GALNT13: variants seen among roughly 807,000 people sequenced by gnomAD.
GALNT13 encodes polypeptide N-acetylgalactosaminyltransferase 13, also known as UDP-GalNAc:polypeptide N-acetylgalactosaminyltransferase 13.
A neutral mutation model predicts 64.2 loss-of-function variants in GALNT13; 28 were observed. That is an observed-to-expected ratio of 0.44 (90% confidence interval 0.32 to 0.60). The LOEUF (loss-of-function observed/expected upper bound fraction) is 0.60, where lower values mean the gene tolerates loss of function less well. GALNT13 is among the 20% of genes least tolerant of loss of function. The probability of loss-of-function intolerance (pLI) is 0.05; values close to 1 mark genes in which losing one functional copy is unlikely to be tolerated. For missense variants in GALNT13, 577 were observed against 669.8 expected (o/e 0.86, Z 1.53); for synonymous variants, 214 against 224.6 (o/e 0.95, Z 0.42).
the GALNT13 span, among the ~76,000 whole-genome samples, chr2:153,646,126 C>T: frequency 6.6e-6 from 1 of 151,978 alleles, no homozygotes. Flanking sequence ...CAACTTAACT[C>T]AGGAATTCTG....
the GALNT13 span, among the ~76,000 whole-genome samples, chr2:153,594,911 T>G: frequency 6.6e-6 from 1 of 152,084 alleles, no homozygotes; most frequent in Non-Finnish European, 1.5e-5. Flanking sequence ...AAAATAAAAC[T>G]ATTTGACTAC....
the GALNT13 span, among the ~76,000 whole-genome samples, chr2:153,530,594 G>A: frequency 6.6e-6 from 1 of 151,912 alleles, no homozygotes; most frequent in Non-Finnish European, 1.5e-5. Context: ...CAAAACTGGA[G>A]CAATCACATT....
chr2:153,700,520 G>A, the GALNT13 span, among the ~76,000 whole-genome samples: 2 of 151,920 alleles, frequency 1.3e-5, no homozygotes, highest in Admixed American at 1.3e-4. Context: ...AGAAATAAAG[G>A]GTATTCAAGT....
the GALNT13 span, among the ~76,000 whole-genome samples, chr2:153,352,887 C>A: frequency 6.6e-6 from 1 of 152,052 alleles, no homozygotes; most frequent in Non-Finnish European, 1.5e-5. Flanking sequence ...TGGAGAATGT[C>A]AATCTGCCAA....
chr2:153,549,751 G>T, the GALNT13 span, among the ~76,000 whole-genome samples: 1 of 152,162 alleles, frequency 6.6e-6, no homozygotes, highest in Non-Finnish European at 1.5e-5. Flanking sequence ...TAAGTTCTGT[G>T]GTTGTTGGTT....
At chr2:153,117,200 CTT>C in the GALNT13 span, among the ~76,000 whole-genome samples, 1 of 152,082 alleles carries the variant, frequency 6.6e-6, no homozygotes, top group African/African-American at 2.4e-5. Context: ...ACACAGGCCT[CTT>C]TGATCTACGA....
chr2:153,161,085 C>T, the GALNT13 span, among the ~76,000 whole-genome samples: 49 of 152,174 alleles, frequency 3.2e-4, no homozygotes, highest in African/African-American at 1.1e-3. Flanking sequence ...AGACTTATTC[C>T]AACAATTACT....
At chr2:153,088,537 T>C in the GALNT13 span, among the ~76,000 whole-genome samples, 1 of 152,170 alleles carries the variant, frequency 6.6e-6, no homozygotes, top group African/African-American at 2.4e-5. Flanking sequence ...CTTGATGACC[T>C]GGCTAGTGCT....
chr2:154,315,521 A>C (rs1225319512), intron 9 of GALNT13, among the ~76,000 whole-genome samples: 2 of 152,180 alleles, frequency 1.3e-5, no homozygotes, highest in Non-Finnish European at 2.9e-5. Flanking sequence ...TGATGCCTAA[A>C]GGCTGGTGCA....
At chr2:153,519,539 T>G in the GALNT13 span, among the ~76,000 whole-genome samples, 1 of 152,188 alleles carries the variant, frequency 6.6e-6, no homozygotes, top group Non-Finnish European at 1.5e-5. Flanking sequence ...TGCCCTTTCA[T>G]GGGCTTTTTG....
the GALNT13 span, among the ~76,000 whole-genome samples, chr2:153,676,160 A>C: frequency 5.9e-5 from 9 of 152,176 alleles, no homozygotes; most frequent in Admixed American, 5.2e-4. Flanking sequence ...AAGTAAACAC[A>C]ATCATAAATG....
At chr2:154,243,345 A>C (rs565426046) in intron 6 of GALNT13, among the ~76,000 whole-genome samples, 2 of 152,266 alleles carry the variant, frequency 1.3e-5, no homozygotes, top group Admixed American at 6.5e-5. Flanking sequence ...ACAACAATTC[A>C]GCTCTTTCCA....
At chr2:153,477,115 C>T in the GALNT13 span, among the ~76,000 whole-genome samples, 2 of 152,130 alleles carry the variant, frequency 1.3e-5, no homozygotes, top group African/African-American at 4.8e-5. Context: ...TAAGAGGAAA[C>T]AAAGGATGCT....
intron 8 of GALNT13, chr2:154,286,770 G>T (rs1019882389): frequency 3.1e-6 from 1 of 322,254 alleles, no homozygotes; most frequent in East Asian, 7.5e-5. Flanking sequence ...TCATGCCATG[G>T]GTACAGAAAC....
chr2:153,627,785 G>T, the GALNT13 span, among the ~76,000 whole-genome samples: 2 of 152,146 alleles, frequency 1.3e-5, no homozygotes, highest in South Asian at 4.1e-4. Context: ...CAGGTAGCGT[G>T]ATGCCTCCAG....
intron 3 of GALNT13, among the ~76,000 whole-genome samples, chr2:154,129,203 A>G (rs1682472146): frequency 6.6e-6 from 1 of 152,122 alleles, no homozygotes. Context: ...CGCCATCCCA[A>G]TTACCACACA....
chr2:153,378,781 C>T, the GALNT13 span, among the ~76,000 whole-genome samples: 9,476 of 152,074 alleles, frequency 0.062, 320 homozygotes, highest in African/African-American at 0.08. Flanking sequence ...TTTTTCTCAT[C>T]CCAGGCCTCT....
At chr2:154,389,699 G>T (rs1012100574) in intron 9 of GALNT13, among the ~76,000 whole-genome samples, 1 of 152,180 alleles carries the variant, frequency 6.6e-6, no homozygotes, top group Non-Finnish European at 1.5e-5. Flanking sequence ...CTGAGACAAT[G>T]AGTATTGCCA....
At chr2:154,280,407 C>G (rs760195452) in intron 8 of GALNT13, among the ~76,000 whole-genome samples, 5 of 152,102 alleles carry the variant, frequency 3.3e-5, no homozygotes, top group Non-Finnish European at 5.9e-5. Context: ...ATATGCCAGC[C>G]AGGATCTTAG....
Sources: gnomAD v4.1 joint callset for allele counts (sites outside exome capture counted in the v4.1 genomes callset) on GRCh38, gnomAD v4.1.1 for gene constraint, MANE v1.5 for transcripts, NCBI Gene and HGNC (gene_info 2026-07-23, HGNC 2026-07-21) for gene names.